ZNF385D: variants seen among roughly 807,000 people sequenced by gnomAD.
The protein encoded by ZNF385D is zinc finger protein 659.
A neutral mutation model predicts 35.8 loss-of-function variants in ZNF385D; 15 were observed. The observed-to-expected ratio is 0.42, with a 90% CI of 0.28 to 0.64. The LOEUF is 0.64. ZNF385D is among the 30% of genes least tolerant of loss of function. ZNF385D has a pLI of 0.23. For missense variants in ZNF385D, 474 were observed against 494.6 expected (o/e 0.96, Z 0.39); for synonymous variants, 212 against 186.8 (o/e 1.13, Z -1.10).
At chr3:21,581,852 C>T (rs982335239) in intron 2 of ZNF385D, among the ~76,000 whole-genome samples, 1 of 152,104 alleles carries the variant, frequency 6.6e-6, no homozygotes, top group Non-Finnish European at 1.5e-5. Flanking sequence ...AGGTACAGAG[C>T]CAGGGCCCCA....
At chr3:21,467,282 G>A (rs1051930007) in intron 4 of ZNF385D, among the ~76,000 whole-genome samples, 1 of 151,990 alleles carries the variant, frequency 6.6e-6, no homozygotes, top group Non-Finnish European at 1.5e-5. Context: ...TTTTGTTTTT[G>A]TTGTTGCTGA....
At chr3:21,714,919 T>C (rs1001963996) in intron 1 of ZNF385D, among the ~76,000 whole-genome samples, 8 of 152,170 alleles carry the variant, frequency 5.3e-5, no homozygotes, top group Admixed American at 3.9e-4. Flanking sequence ...GATGAACGTA[T>C]ACATCATCTC....
At chr3:22,132,032 T>G (rs1703827318) in intron 3 of ZNF385D, among the ~76,000 whole-genome samples, 2 of 152,086 alleles carry the variant, frequency 1.3e-5, no homozygotes. Flanking sequence ...ATAACTAGAG[T>G]TGACATTTTG....
rs1159542228 is a variant in ZNF385D at position 21,420,353 on chromosome 3, C to T, written c.*861G>A. ...TTGTATTGATTTCTTTCTTAACACT[C>T]ATGATGCATGGGTTTCTCTGCTTTC... On this transcript the variant is annotated 3_prime_UTR_variant, in exon 8 of 8. Transcript: ENST00000281523. The T allele has an allele frequency of 6.6e-6, 1 of 152,200 alleles. No homozygotes were observed. Among genetic ancestry groups the T allele is most frequent in the Non-Finnish European group, 1.5e-5 (1 of 68,020 alleles). 9.4% of individuals were successfully genotyped at this position (152,200 alleles called of 1,614,324 possible).
At chr3:22,338,020 T>G (rs1331737386) in intron 2 of ZNF385D, among the ~76,000 whole-genome samples, 2 of 152,218 alleles carry the variant, frequency 1.3e-5, no homozygotes, top group Non-Finnish European at 2.9e-5. Flanking sequence ...ACTAAAATTT[T>G]TTCTCATCCA....
intron 3 of ZNF385D, among the ~76,000 whole-genome samples, chr3:22,093,129 T>C (rs1157162895): frequency 6.6e-6 from 1 of 152,046 alleles, no homozygotes; most frequent in East Asian, 1.9e-4. Flanking sequence ...AACAATTTAT[T>C]GCATTTAATA....
At chr3:21,848,090 T>C (rs80316353) in intron 3 of ZNF385D, among the ~76,000 whole-genome samples, 5,863 of 152,128 alleles carry the variant, frequency 0.039, 388 homozygotes, top group African/African-American at 0.13. Flanking sequence ...CCACTGTGAC[T>C]GACTTATTTC....
At chr3:21,861,117 C>G (rs1290513916) in intron 3 of ZNF385D, among the ~76,000 whole-genome samples, 1 of 152,130 alleles carries the variant, frequency 6.6e-6, no homozygotes, top group Admixed American at 6.6e-5. Flanking sequence ...TCCAGCCAAG[C>G]CAATGAGGTT....
intron 3 of ZNF385D, among the ~76,000 whole-genome samples, chr3:21,771,557 C>G (rs950123722): frequency 6.6e-6 from 1 of 151,470 alleles, no homozygotes; most frequent in African/African-American, 2.4e-5. Flanking sequence ...AAAACTTCAA[C>G]ACAATTACCT....
intron 1 of ZNF385D, among the ~76,000 whole-genome samples, chr3:21,743,117 A>T (rs2069598296): frequency 6.6e-6 from 1 of 152,198 alleles, no homozygotes; most frequent in Non-Finnish European, 1.5e-5. Flanking sequence ...AGGACACAGC[A>T]CTACTGAATG....
At chr3:22,029,435 C>G (rs1697780244) in intron 3 of ZNF385D, among the ~76,000 whole-genome samples, 1 of 152,124 alleles carries the variant, frequency 6.6e-6, no homozygotes, top group Non-Finnish European at 1.5e-5. Flanking sequence ...TTGGTTTACT[C>G]CAGCAGGAAA....
At chr3:22,037,355 A>G (rs1221970496) in intron 3 of ZNF385D, among the ~76,000 whole-genome samples, 3 of 150,904 alleles carry the variant, frequency 2.0e-5, no homozygotes, top group Admixed American at 6.6e-5. Context: ...CTATTTCTCC[A>G]CATCCTCTCC....
chr3:22,201,820 T>C (rs1045031767), intron 2 of ZNF385D, among the ~76,000 whole-genome samples: 5 of 151,506 alleles, frequency 3.3e-5, no homozygotes, highest in African/African-American at 7.3e-5. Flanking sequence ...CATATATATA[T>C]ATAAATTTAA....
rs115027187 is a variant in ZNF385D at position 21,838,923 on chromosome 3, C to A, written c.326-173895G>T. The stretch of plus-strand genomic sequence containing the variant: ...ACAAACTAAACAATAACCGTGGGAA[C>A]ATATAAAACATTTTTCATATTTTTT... On this transcript the variant is annotated intron_variant, in intron 3 of 5. Coordinates refer to the ZNF385D transcript ENST00000494108. Among the ~76,000 whole-genome samples the A allele has an allele frequency of 3.6e-3, 541 of 152,136 alleles. 2 individuals carry two copies. Among genetic ancestry groups the A allele is most frequent in the African/African-American group, 0.012 (513 of 41,528 alleles).
chr3:21,918,124 GCACTAAAT>G (rs1454499333), intron 3 of ZNF385D, among the ~76,000 whole-genome samples: 2 of 152,268 alleles, frequency 1.3e-5, no homozygotes, highest in East Asian at 3.9e-4. Flanking sequence ...AATACACTAG[GCACTAAAT>G]CAATGTTTAG....
intron 3 of ZNF385D, among the ~76,000 whole-genome samples, chr3:22,074,114 T>C (rs947334307): frequency 6.6e-5 from 10 of 151,964 alleles, no homozygotes; most frequent in African/African-American, 2.2e-4. Context: ...TTTTTCTTTT[T>C]CTGTGTACCT....
chr3:21,846,592 T>C (rs1307651305), intron 3 of ZNF385D, among the ~76,000 whole-genome samples: 12 of 152,052 alleles, frequency 7.9e-5, no homozygotes, highest in South Asian at 6.2e-4. Context: ...GTCTATGACA[T>C]GTTGCTGAAA....
chr3:22,081,879 G>C (rs1351345857), intron 3 of ZNF385D, among the ~76,000 whole-genome samples: 1 of 151,970 alleles, frequency 6.6e-6, no homozygotes, highest in East Asian at 1.9e-4. Context: ...GCTTGTTATA[G>C]TATATAAATG....
At chr3:21,824,321 A>G (rs1369919752) in intron 3 of ZNF385D, among the ~76,000 whole-genome samples, 1 of 152,184 alleles carries the variant, frequency 6.6e-6, no homozygotes, top group Admixed American at 6.5e-5. Context: ...TGCTTTTTAT[A>G]AAAAACAACT....
Sources: gnomAD v4.1 joint callset for allele counts (sites outside exome capture counted in the v4.1 genomes callset) on GRCh38, gnomAD v4.1.1 for gene constraint, MANE v1.5 for transcripts, NCBI Gene and HGNC (gene_info 2026-07-23, HGNC 2026-07-21) for gene names.